The following DPF3 variants were observed in gnomAD, a reference collection of about 807,000 sequenced individuals.
The protein encoded by DPF3 is double PHD fingers 3.
DPF3 carries 18 observed loss-of-function variants against 56.8 expected under a neutral mutation model. The observed-to-expected ratio is 0.32, with a 90% CI of 0.22 to 0.47. The LOEUF is 0.47. Ranked by LOEUF, DPF3 falls within the 20% of genes least tolerant of loss-of-function variation. The probability of loss-of-function intolerance (pLI) is 1.00; values close to 1 mark genes in which losing one functional copy is unlikely to be tolerated. For synonymous variants in DPF3, 188 were observed against 180.2 expected (o/e 1.04, Z -0.35); for missense variants, 403 against 488.8 (o/e 0.82, Z 1.65).
At chr14:72,694,442 G>C (rs987960962) in intron 6 of DPF3, among the ~76,000 whole-genome samples, 1 of 152,302 alleles carries the variant, frequency 6.6e-6, no homozygotes, top group South Asian at 2.1e-4. Flanking sequence ...TTTAGCATCA[G>C]GCCTGGGTTC....
chr14:72,879,705 C>A, intron 1 of DPF3: 1 of 1,402,666 alleles, frequency 7.1e-7, no homozygotes, highest in Non-Finnish European at 9.4e-7. Flanking sequence ...GCTCAGACAC[C>A]AGGGGAATGT....
At chr14:72,622,454 A>T (rs987760972) in intron 9 of DPF3, among the ~76,000 whole-genome samples, 2 of 152,184 alleles carry the variant, frequency 1.3e-5, no homozygotes, top group African/African-American at 4.8e-5. Context: ...ACAAGTTAGG[A>T]TGGAGACAGA....
intron 7 of DPF3, among the ~76,000 whole-genome samples, chr14:72,691,652 G>A (rs1401292219): frequency 6.6e-6 from 1 of 151,926 alleles, no homozygotes; most frequent in Admixed American, 6.6e-5. Context: ...GCTTGAACCT[G>A]GAAGGCAGAG....
chr14:72,714,326 T>C, intron 6 of DPF3, 97 bp downstream of exon 6: 4 of 1,472,584 alleles, frequency 2.7e-6, no homozygotes, highest in Non-Finnish European at 3.7e-6. Context: ...GAGCACACAC[T>C]GAGGTTGGCA....
At chr14:72,845,989 C>A (rs1217952489) in intron 1 of DPF3, among the ~76,000 whole-genome samples, 3 of 152,108 alleles carry the variant, frequency 2.0e-5, no homozygotes, top group Non-Finnish European at 1.5e-5. Context: ...CAGGGCTTTC[C>A]CCAAGAGTAA....
At chr14:72,810,295 T>C (rs1202702769) in intron 1 of DPF3, among the ~76,000 whole-genome samples, 1 of 152,166 alleles carries the variant, frequency 6.6e-6, no homozygotes, top group African/African-American at 2.4e-5. Flanking sequence ...CCAGGCTAAA[T>C]GGGAGCACAC....
At chr14:72,762,271 A>G (rs1467874240) in intron 2 of DPF3, among the ~76,000 whole-genome samples, 1 of 151,906 alleles carries the variant, frequency 6.6e-6, no homozygotes, top group Non-Finnish European at 1.5e-5. Flanking sequence ...TCATAAACAT[A>G]GATGCAAAAA....
intron 8 of DPF3, among the ~76,000 whole-genome samples, chr14:72,655,113 T>C (rs966806306): frequency 3.3e-5 from 5 of 152,306 alleles, no homozygotes; most frequent in African/African-American, 9.6e-5. Context: ...CTCCATAATA[T>C]GTATGGTCCA....
rs1213858886 is a variant in DPF3, at chr14:72,619,953, C to T, written c.1016G>A (p.Arg339Gln). The T allele has an allele frequency of 3.3e-6, 5 of 1,535,410 alleles. No homozygotes were observed. The highest frequency in any genetic ancestry group is 1.2e-5 in the South Asian group (1 of 83,934). ...DQLLFCDDCD[R>Q]GYHMYCLNPP... ...ATTTAAACAGTACATGTGATAGCCT[C>T]GGTCACAGTCATCGCAGAAGAGTAG... The change falls in exon 10 of 11, where the codon CGA becomes CAA. Residue 339 changes from arginine (R) to glutamine (Q), a missense_variant. By Grantham distance (43) the Arg-to-Gln change is conservative. Around this residue, in one of 2 missense-constraint regions of DPF3, gnomAD observed 63 missense variants for 114.4 expected, o/e 0.55. Coordinates refer to ENST00000556509, the MANE Select transcript of DPF3 (RefSeq NM_001280542.3).
chr14:72,857,903 T>G (rs943021366), intron 1 of DPF3, among the ~76,000 whole-genome samples: 4 of 152,180 alleles, frequency 2.6e-5, no homozygotes, highest in Admixed American at 2.0e-4. Flanking sequence ...GAGTTCGTTA[T>G]GCATGATTTC....
At position 72,822,178 on chromosome 14, in the gene DPF3, G is replaced by A. The variant is rs559470678; in HGVS notation, c.33-50285C>T. Among the ~76,000 whole-genome samples the A allele has an allele frequency of 2.7e-3, 417 of 152,276 alleles. 3 individuals carry two copies. Among genetic ancestry groups the A allele is most frequent in the African/African-American group, 9.6e-3 (400 of 41,544 alleles). ...GGATCACCTGAGATCAGGAGTTCAA[G>A]ATCAGCCTGGCCAACATGGTGAAAC... On this transcript the variant is annotated intron_variant, in intron 1 of 10. Coordinates refer to ENST00000556509, the MANE Select transcript of DPF3 (RefSeq NM_001280542.3).
chr14:72,765,580 AG>A, intron 2 of DPF3, among the ~76,000 whole-genome samples: 1 of 152,354 alleles, frequency 6.6e-6, no homozygotes, highest in East Asian at 1.9e-4. Flanking sequence ...CAGCATAAAA[AG>A]GAATTATTGA....
intron 8 of DPF3, chr14:72,670,488 A>T: frequency 1.0e-6 from 1 of 986,354 alleles, no homozygotes; most frequent in Non-Finnish European, 1.2e-6. Flanking sequence ...TGGAAAGGTC[A>T]GGGAGGAGAA....
chr14:72,761,039 A>G (rs925444472), intron 2 of DPF3, among the ~76,000 whole-genome samples: 36 of 152,132 alleles, frequency 2.4e-4, no homozygotes, highest in African/African-American at 8.2e-4. Context: ...TAACAATACT[A>G]AATGTTTATA....
rs899143275 is a variant in DPF3 at position 72,613,827 on chromosome 14, G to A, written c.*5470C>T. Reference sequence around the variant, plus strand: ...GCTGCCTGGGCTGCGCACATGGAGGGGGCGCCCGCCGCACAGCCAGGCCTC... The same window carrying A: ...GCTGCCTGGGCTGCGCACATGGAGGAGGCGCCCGCCGCACAGCCAGGCCTC... On this transcript the variant is annotated 3_prime_UTR_variant, in exon 11 of 11. Transcript: ENST00000556509. Among the ~76,000 whole-genome samples the A allele has an allele frequency of 6.6e-6, 1 of 152,146 alleles. No individual in the cohort carries two copies. The highest frequency in any genetic ancestry group is 2.4e-5 in the African/African-American group (1 of 41,416).
At chr14:72,707,232 G>T (rs2153574826) in intron 6 of DPF3, among the ~76,000 whole-genome samples, 1 of 152,236 alleles carries the variant, frequency 6.6e-6, no homozygotes, top group African/African-American at 2.4e-5. Flanking sequence ...ATCATTGTTG[G>T]ACATTTGGGT....
At chr14:72,812,211 GC>G (rs1037597823) in intron 1 of DPF3, among the ~76,000 whole-genome samples, 36 of 152,050 alleles carry the variant, frequency 2.4e-4, no homozygotes, top group African/African-American at 8.0e-4. Flanking sequence ...GCTCCCACCA[GC>G]CCCGCTTACC....
At position 72,616,790 on chromosome 14, in the gene DPF3, C is replaced by A. The variant is rs1416353772; in HGVS notation, c.*2507G>T. On this transcript the variant is annotated 3_prime_UTR_variant, in exon 11 of 11. Coordinates refer to ENST00000556509, the MANE Select transcript of DPF3 (RefSeq NM_001280542.3). ...TTCTCTGGGGTTCAAAAAAAAGAGA[C>A]CAATTTAAAGTTTACCAACCCCGTC... Among the ~76,000 whole-genome samples, 3 of 152,162 alleles carry A rather than the reference C, an allele frequency of 2.0e-5. No individual in the cohort carries two copies. The highest frequency in any genetic ancestry group is 7.2e-5 in the African/African-American group (3 of 41,432).
intron 8 of DPF3, among the ~76,000 whole-genome samples, chr14:72,641,627 G>C (rs780308902): frequency 6.0e-4 from 92 of 152,218 alleles, no homozygotes; most frequent in Non-Finnish European, 1.1e-3. Flanking sequence ...GGGGCCAAAG[G>C]TAGGAGGAGC....
Sources: allele counts gnomAD v4.1 joint callset (sites outside exome capture counted in the v4.1 genomes callset), GRCh38; gene constraint gnomAD v4.1.1; regional missense constraint gnomAD v4.1.1; transcripts MANE v1.5; gene names NCBI Gene and HGNC (gene_info 2026-07-23, HGNC 2026-07-21).